The following VKORC1L1 variants were observed in gnomAD, a reference collection of about 807,000 sequenced individuals.
The protein encoded by VKORC1L1 is vitamin K epoxide reductase complex subunit 1L1, also known as vitamin K epoxide reductase complex subunit 1-like protein 1.
A neutral mutation model predicts 18.9 loss-of-function variants in VKORC1L1; 2 were observed. The observed-to-expected ratio is 0.11, with a 90% CI of 0.04 to 0.33. The LOEUF (loss-of-function observed/expected upper bound fraction) is 0.33, where lower values mean the gene tolerates loss of function less well. VKORC1L1 is among the 10% of genes least tolerant of loss of function. The pLI is 1.00. For synonymous variants in VKORC1L1, 96 were observed against 100.0 expected (o/e 0.96, Z 0.24); for missense variants, 123 against 224.1 (o/e 0.55, Z 2.88).
intron 1 of VKORC1L1, among the ~76,000 whole-genome samples, chr7:65,888,985 A>G (rs1267399522): frequency 6.6e-6 from 1 of 151,578 alleles, no homozygotes; most frequent in Non-Finnish European, 1.5e-5. Context: ...CAACCCCCCA[A>G]CTACACATCA....
At chr7:65,937,109 T>C (rs1479933253) in intron 1 of VKORC1L1, among the ~76,000 whole-genome samples, 1 of 151,816 alleles carries the variant, frequency 6.6e-6, no homozygotes, top group East Asian at 2.0e-4. Context: ...GTTTTATGGG[T>C]TTTGTTTTGT....
At chr7:65,876,857 G>A (rs1242191175) in intron 1 of VKORC1L1, among the ~76,000 whole-genome samples, 1 of 152,160 alleles carries the variant, frequency 6.6e-6, no homozygotes, top group East Asian at 1.9e-4. Context: ...ACCAGCCTGG[G>A]CAACAGGGCA....
rs568747358 is a variant in VKORC1L1 at position 65,923,375 on chromosome 7, A to C, written c.195-25296A>C. Among the ~76,000 whole-genome samples the C allele has an allele frequency of 2.0e-5, 3 of 152,130 alleles. No homozygotes were observed. In the East Asian group the frequency reaches 5.8e-4, roughly 29 times the overall value. ...AGTTGTGATTGCACCACTGCACTCC[A>C]GCCTAGGCGATAGAGACCCTGTCTC... On this transcript the variant is annotated intron_variant, in intron 1 of 2. Coordinates refer to ENST00000360768, the MANE Select transcript of VKORC1L1 (RefSeq NM_173517.6).
intron 1 of VKORC1L1, among the ~76,000 whole-genome samples, chr7:65,923,150 A>G (rs548725106): frequency 2.0e-5 from 3 of 152,124 alleles, no homozygotes; most frequent in African/African-American, 4.8e-5. Flanking sequence ...GCAGGGTGCA[A>G]TGGCACTTTG....
rs985838420 is a variant in VKORC1L1 at position 65,958,298 on chromosome 7, A to T, written c.*3998A>T. 2.0e-5 allele frequency: 3 copies of T among 152,244 alleles called. No individual in the cohort carries two copies. The highest frequency in any genetic ancestry group is 2.0e-4 in the Admixed American group (3 of 15,284). 9.4% of individuals were successfully genotyped at this position (152,244 alleles called of 1,614,324 possible). A position where few individuals can be genotyped will look rare whatever the true frequency, so the allele number is the denominator to read the frequency against. ...AGCATGGCCTAAGTATTTATTAGGT[A>T]TATGATCTGTGTAGTATGTTCCATC... On this transcript the variant is annotated 3_prime_UTR_variant, in exon 3 of 3. Transcript: ENST00000360768.
chr7:65,893,301 G>A (rs1789138759), intron 1 of VKORC1L1, among the ~76,000 whole-genome samples: 1 of 152,168 alleles, frequency 6.6e-6, no homozygotes, highest in South Asian at 2.1e-4. Context: ...CATCAGTTTG[G>A]GAGGCTGAGG....
intron 1 of VKORC1L1, among the ~76,000 whole-genome samples, chr7:65,937,112 T>G (rs1283467349): frequency 2.6e-5 from 4 of 151,990 alleles, no homozygotes; most frequent in Non-Finnish European, 4.4e-5. Flanking sequence ...TTATGGGTTT[T>G]GTTTTGTTGT....
intron 1 of VKORC1L1, among the ~76,000 whole-genome samples, chr7:65,902,110 T>C (rs574240821): frequency 4.6e-5 from 7 of 152,038 alleles, no homozygotes; most frequent in Admixed American, 2.6e-4. Flanking sequence ...ACAAAACTCA[T>C]AGTGTTTGGC....
chr7:65,909,193 A>G (rs958189998), intron 1 of VKORC1L1, among the ~76,000 whole-genome samples: 2 of 144,176 alleles, frequency 1.4e-5, no homozygotes, highest in African/African-American at 2.6e-5. Context: ...CATGTTAGCC[A>G]GGCTGGTCTC....
At chr7:65,894,734 GAAAAAGAAAGAAAA>G (rs1789164273) in intron 1 of VKORC1L1, among the ~76,000 whole-genome samples, 1 of 151,868 alleles carries the variant, frequency 6.6e-6, no homozygotes, top group African/African-American at 2.4e-5. Context: ...TCTCAAAAAG[GAAAAAGAAAGAAAA>G]GAAAAGAAGT....
intron 1 of VKORC1L1, among the ~76,000 whole-genome samples, chr7:65,915,039 C>G (rs965215326): frequency 3.3e-5 from 5 of 151,992 alleles, no homozygotes; most frequent in Non-Finnish European, 5.9e-5. Context: ...ACTTAACTCT[C>G]CCTCTTCGGT....
At chr7:65,917,611 A>C (rs926530556) in intron 1 of VKORC1L1, among the ~76,000 whole-genome samples, 1 of 152,114 alleles carries the variant, frequency 6.6e-6, no homozygotes, top group Non-Finnish European at 1.5e-5. Context: ...ACTTTAAAGA[A>C]TTTTCTAGAG....
intron 1 of VKORC1L1, among the ~76,000 whole-genome samples, chr7:65,874,833 A>G (rs1788799211): frequency 6.6e-6 from 1 of 152,084 alleles, no homozygotes; most frequent in South Asian, 2.1e-4. Flanking sequence ...ATAAATAAAT[A>G]ATTTTTAAAA....
At chr7:65,895,433 T>A (rs373169796) in intron 1 of VKORC1L1, among the ~76,000 whole-genome samples, 2 of 113,364 alleles carry the variant, frequency 1.8e-5, no homozygotes, top group African/African-American at 6.9e-5. Flanking sequence ...CTGGGCCATA[T>A]AGTGAAATGC....
At chr7:65,939,197 G>A (rs1315932606) in intron 1 of VKORC1L1, among the ~76,000 whole-genome samples, 1 of 152,208 alleles carries the variant, frequency 6.6e-6, no homozygotes, top group African/African-American at 2.4e-5. Flanking sequence ...TGATGACCAC[G>A]ACTCCGTGGA....
At chr7:65,873,634 C>A in intron 1 of VKORC1L1, 69 bp downstream of exon 1, 1 of 1,198,152 alleles carries the variant, frequency 8.3e-7, no homozygotes, top group Non-Finnish European at 1.1e-6. Flanking sequence ...GGGTGGGGAG[C>A]GCGCGGCGGG....
At chr7:65,892,355 G>A (rs1003995383) in intron 1 of VKORC1L1, among the ~76,000 whole-genome samples, 2 of 152,126 alleles carry the variant, frequency 1.3e-5, no homozygotes, top group African/African-American at 2.4e-5. Context: ...TTTTTTTGAG[G>A]AACGTCCACA....
Position 65,908,442 on chromosome 7 carries a change from A to G in VKORC1L1, c.194+34877A>G, listed in dbSNP as rs139881143. ...GAAGAAGAACAGAGATTTATTCAAG[A>G]TTATTTATCTGGATTTAATCTGTTG... is the stretch of plus-strand genomic sequence containing the variant. On this transcript the variant is annotated intron_variant, in intron 1 of 2. Coordinates refer to ENST00000360768, the MANE Select transcript of VKORC1L1 (RefSeq NM_173517.6). 5.3e-5 allele frequency among the ~76,000 whole-genome samples: 8 copies of G among 152,210 alleles called. No homozygotes were observed. The East Asian group carries it at 1.4e-3, about 26-fold the overall frequency.
chr7:65,899,604 CA>C (rs1789275401), intron 1 of VKORC1L1, among the ~76,000 whole-genome samples: 1 of 152,110 alleles, frequency 6.6e-6, no homozygotes, highest in Non-Finnish European at 1.5e-5. Context: ...GGGAGAAAGG[CA>C]GGCTCTAGGT....
Sources: gnomAD v4.1 joint callset for allele counts (sites outside exome capture counted in the v4.1 genomes callset) on GRCh38, gnomAD v4.1.1 for gene constraint, MANE v1.5 for transcripts, NCBI Gene and HGNC (gene_info 2026-07-23, HGNC 2026-07-21) for gene names.